SFMBT2: variants seen among roughly 807,000 people sequenced by gnomAD.
SFMBT2 encodes Scm like with four mbt domains 2, also known as scm-like with four MBT domains protein 2.
In SFMBT2, 38 loss-of-function variants were observed where a neutral mutation model predicts 110.1. The observed-to-expected ratio is 0.35, with a 90% CI of 0.27 to 0.45. SFMBT2 has a LOEUF of 0.45. Ranked by LOEUF, SFMBT2 falls within the 20% of genes least tolerant of loss-of-function variation. The pLI, the probability that SFMBT2 is intolerant of heterozygous loss-of-function variation, is 1.00. For synonymous variants in SFMBT2, 425 were observed against 425.4 expected (o/e 1.00, Z 0.01); for missense variants, 1,011 against 1,094.9 (o/e 0.92, Z 1.08).
intron 16 of SFMBT2, among the ~76,000 whole-genome samples, chr10:7,180,464 C>A (rs1325230019): frequency 6.6e-6 from 1 of 151,950 alleles, no homozygotes; most frequent in Non-Finnish European, 1.5e-5. Flanking sequence ...CAAAAAGCTG[C>A]CTTGGCCCTG....
At position 7,161,955 on chromosome 10, in the gene SFMBT2, C is replaced by T. The variant is rs1172266853; in HGVS notation, c.*1815G>A. 1 of 152,154 alleles carries T rather than the reference C, an allele frequency of 6.6e-6. No individual in the cohort carries two copies. The highest frequency in any genetic ancestry group is 1.5e-5 in the Non-Finnish European group (1 of 68,040). The allele number at this position is 152,154 out of a possible 1,614,324, so 9.4% of individuals were successfully genotyped here. A position where few individuals can be genotyped will look rare whatever the true frequency, so the allele number is the denominator to read the frequency against. ...GTGAAAAAGCAGGAAGGGTGAGAAGCCTCTGCTTCCAGTGTCTGCTTGGGA... is the reference window on the plus strand; with the variant it reads ...GTGAAAAAGCAGGAAGGGTGAGAAGTCTCTGCTTCCAGTGTCTGCTTGGGA... On this transcript the variant is annotated 3_prime_UTR_variant, in exon 21 of 21. Coordinates refer to ENST00000397167, the MANE Select transcript of SFMBT2 (RefSeq NM_001387889.1).
At chr10:7,204,887 A>AAAT in intron 12 of SFMBT2, 1 of 873,532 alleles carries the variant, frequency 1.1e-6, no homozygotes, top group South Asian at 5.3e-5. Flanking sequence ...AAAAAAAAAA[A>AAAT]TTTTTTTTTT....
intron 1 of SFMBT2, among the ~76,000 whole-genome samples, chr10:7,405,822 T>TCCCACCCCCCCCCCCCC (rs1846194128): frequency 7.7e-6 from 1 of 129,098 alleles, no homozygotes; most frequent in African/African-American, 2.8e-5. Flanking sequence ...TAGGCCCGAT[T>TCCCACCCCCCCCCCCCC]CCCCCCCCGA....
At chr10:7,400,843 T>TC (rs1488560426) in intron 1 of SFMBT2, among the ~76,000 whole-genome samples, 1 of 151,084 alleles carries the variant, frequency 6.6e-6, no homozygotes, top group East Asian at 2.0e-4. Flanking sequence ...TCAAAAAGCA[T>TC]CCCCCCCGGC....
chr10:7,185,995 T>C (rs2692792), intron 16 of SFMBT2, among the ~76,000 whole-genome samples: 47,103 of 152,036 alleles, frequency 0.31, 9,150 homozygotes, highest in Middle Eastern at 0.46. Flanking sequence ...GCATAAAAGC[T>C]AGCAAATTTT....
intron 11 of SFMBT2, among the ~76,000 whole-genome samples, chr10:7,208,167 A>T (rs1341416589): frequency 1.3e-5 from 2 of 152,158 alleles, no homozygotes; most frequent in South Asian, 4.1e-4. Context: ...GAGGCATCCA[A>T]TGTGGAAGTG....
Position 7,367,822 on chromosome 10 carries a change from G to C in SFMBT2, c.263C>G (p.Pro88Arg). ...MKLEVANKNN[P>R]DTYWVATIIT... The stretch of plus-strand genomic sequence containing the variant: ...GATCGTGGCCACCCAGTACGTGTCC[G>C]GGTTGTTCTTATTAGCCACTTCCAA... The change falls in exon 4 of 21, where the codon CCG becomes CGG. Residue 88 changes from proline (P) to arginine (R), a missense_variant. Pro to Arg is a moderately radical substitution (Grantham distance 103, BLOSUM62 -2). Transcript: ENST00000397167. This position sits in a 1 kb window ranked among gnomAD's most constrained non-coding sequence, Gnocchi z 6.2. 1 of 1,614,128 alleles carries C rather than the reference G, an allele frequency of 6.2e-7. No individual in the cohort carries two copies. Among genetic ancestry groups the C allele is most frequent in the Non-Finnish European group, 8.5e-7 (1 of 1,180,030 alleles).
At chr10:7,203,809 G>A (rs566832196) in intron 12 of SFMBT2, 6 of 239,928 alleles carry the variant, frequency 2.5e-5, no homozygotes, top group Middle Eastern at 2.1e-3. Context: ...TCTGCCTCCC[G>A]GATTCAAGCG....
intron 1 of SFMBT2, among the ~76,000 whole-genome samples, chr10:7,391,532 A>G (rs1438690039): frequency 2.0e-5 from 3 of 151,442 alleles, no homozygotes. Context: ...TGGCCGTGCC[A>G]CTGGAAGACT....
At chr10:7,315,092 G>GAAAGAAAGAAAGAAAGAA (rs1564435564) in intron 4 of SFMBT2, among the ~76,000 whole-genome samples, 28 of 145,342 alleles carry the variant, frequency 1.9e-4, no homozygotes, top group African/African-American at 7.1e-4. Flanking sequence ...AAGAAAGAAA[G>GAAAGAAAGAAAGAAAGAA]AAAGAAAGAA....
At chr10:7,188,090 AT>A (rs1838475980) in intron 16 of SFMBT2, among the ~76,000 whole-genome samples, 1 of 152,230 alleles carries the variant, frequency 6.6e-6, no homozygotes, top group Admixed American at 6.5e-5. Flanking sequence ...CACCTTTCCA[AT>A]TAGCCTATTT....
At chr10:7,220,329 A>G in intron 11 of SFMBT2, 82 bp downstream of exon 11, 1 of 1,148,006 alleles carries the variant, frequency 8.7e-7, no homozygotes, top group East Asian at 2.4e-5. Context: ...CCCTTCTGAG[A>G]AGGGCTGCTT....
At chr10:7,389,243 G>C (rs564817163) in intron 1 of SFMBT2, among the ~76,000 whole-genome samples, 1 of 152,034 alleles carries the variant, frequency 6.6e-6, no homozygotes, top group African/African-American at 2.4e-5. Context: ...TTTTTGGGGG[G>C]TTAGAGGGGC....
chr10:7,330,006 C>A (rs1564443440), intron 4 of SFMBT2, among the ~76,000 whole-genome samples: 1 of 152,178 alleles, frequency 6.6e-6, no homozygotes, highest in Non-Finnish European at 1.5e-5. Flanking sequence ...TCAGAAACCC[C>A]TGAAGAAACC....
At chr10:7,220,564 A>C (rs757679608) in intron 10 of SFMBT2, 27 bp from the exon 11 acceptor site, 1 of 1,613,400 alleles carries the variant, frequency 6.2e-7, no homozygotes, top group South Asian at 1.1e-5. Context: ...ACCAACACTG[A>C]GCCAGTGCTG....
intron 4 of SFMBT2, among the ~76,000 whole-genome samples, chr10:7,360,060 C>T (rs538570887): frequency 1.3e-5 from 2 of 152,182 alleles, no homozygotes; most frequent in African/African-American, 2.4e-5. Flanking sequence ...CAGGATTAAA[C>T]GTCGTTACCT....
intron 4 of SFMBT2, among the ~76,000 whole-genome samples, chr10:7,344,061 T>C (rs979923839): frequency 6.6e-6 from 1 of 152,246 alleles, no homozygotes; most frequent in Non-Finnish European, 1.5e-5. Context: ...TTGACTGAAG[T>C]AGTCAGGGGC....
intron 8 of SFMBT2, chr10:7,246,111 A>G: frequency 1.0e-6 from 1 of 976,788 alleles, no homozygotes; most frequent in Non-Finnish European, 1.2e-6. Flanking sequence ...ACCCCAATCC[A>G]TGTGTTATAC....
At chr10:7,377,670 A>C (rs1305334352) in intron 2 of SFMBT2, among the ~76,000 whole-genome samples, 1 of 152,090 alleles carries the variant, frequency 6.6e-6, no homozygotes, top group East Asian at 1.9e-4. Context: ...TCACACTCCT[A>C]TGAGAATCTA....
Sources: allele counts gnomAD v4.1 joint callset (sites outside exome capture counted in the v4.1 genomes callset), GRCh38; gene constraint gnomAD v4.1.1; non-coding constraint Gnocchi (gnomAD v3.1); transcripts MANE v1.5; gene names NCBI Gene and HGNC (gene_info 2026-07-23, HGNC 2026-07-21).